PRDM5: variants seen among roughly 807,000 people sequenced by gnomAD.
PRDM5 encodes the protein PR/SET domain 5.
Under a neutral mutation model 81.2 loss-of-function variants are expected in PRDM5, and 56 were observed. That is an observed-to-expected ratio of 0.69 (90% CI 0.56 to 0.86). The LOEUF is 0.86. PRDM5 is among the 40% of genes least tolerant of loss of function. PRDM5 has a pLI of 0.00. For synonymous variants in PRDM5, 267 were observed against 256.4 expected (o/e 1.04, Z -0.39); for missense variants, 697 against 770.1 (o/e 0.91, Z 1.12).
intron 3 of PRDM5, among the ~76,000 whole-genome samples, chr4:120,822,210 C>T (rs1274712292): frequency 2.0e-5 from 3 of 152,172 alleles, no homozygotes; most frequent in African/African-American, 7.2e-5. Flanking sequence ...AGCTGTAAAG[C>T]GGGCTGTCCC....
intron 13 of PRDM5, among the ~76,000 whole-genome samples, chr4:120,764,308 A>G (rs139760653): frequency 5.2e-4 from 79 of 152,292 alleles, no homozygotes; most frequent in African/African-American, 1.8e-3. Context: ...CTCTGTGATG[A>G]TATTATTAAT....
Position 120,862,936 on chromosome 4 carries a change from C to A in PRDM5, c.178-9396G>T, listed in dbSNP as rs1005488055. On this transcript the variant is annotated intron_variant, in intron 2 of 15. Coordinates refer to ENST00000264808, the MANE Select transcript of PRDM5 (RefSeq NM_018699.4). Reference sequence around the variant, plus strand: ...CACTTTGAGAGGCCAAGGAGGGTGACTCGCTTGAGCCCAGGAGTTCGAGAC... The same window carrying A: ...CACTTTGAGAGGCCAAGGAGGGTGAATCGCTTGAGCCCAGGAGTTCGAGAC... Among the ~76,000 whole-genome samples, 3 of 151,758 alleles carry A rather than the reference C, an allele frequency of 2.0e-5. No homozygotes were observed. In the East Asian group the frequency reaches 5.8e-4, roughly 29 times the overall value.
At chr4:120,722,752 A>AT (rs1738817862) in intron 14 of PRDM5, among the ~76,000 whole-genome samples, 1 of 152,148 alleles carries the variant, frequency 6.6e-6, no homozygotes. Flanking sequence ...CCTGGCTGCG[A>AT]TTACTGAGAA....
At position 120,914,617 on chromosome 4, in the gene PRDM5, C is replaced by T. The variant is rs1444967391; in HGVS notation, c.94-7060G>A. 1.3e-5 allele frequency among the ~76,000 whole-genome samples: 2 copies of T among 152,106 alleles called. 1 individual carries two copies. The highest frequency in any genetic ancestry group is 6.3e-3 in the Middle Eastern group (2 of 316). On this transcript the variant is annotated intron_variant, in intron 1 of 15. Coordinates refer to ENST00000264808, the MANE Select transcript of PRDM5 (RefSeq NM_018699.4). ...TGGAAGGCAAAAGAGAAGCACGCAC[C>T]TTCTTCCAAGGGCTGCAGGATGGAG... is the stretch of plus-strand genomic sequence containing the variant.
chr4:120,828,509 T>C (rs1444912874), intron 3 of PRDM5, among the ~76,000 whole-genome samples: 2 of 152,086 alleles, frequency 1.3e-5, no homozygotes, highest in African/African-American at 2.4e-5. Flanking sequence ...AGGAATGAAG[T>C]AGAATTAGTT....
At chr4:120,721,943 T>C (rs527637473) in intron 14 of PRDM5, among the ~76,000 whole-genome samples, 97 of 152,184 alleles carry the variant, frequency 6.4e-4, no homozygotes, top group African/African-American at 2.2e-3. Context: ...GGCACGCGGG[T>C]GCCCAGAGAA....
intron 3 of PRDM5, among the ~76,000 whole-genome samples, chr4:120,847,094 T>C (rs565788744): frequency 6.6e-6 from 1 of 152,158 alleles, no homozygotes; most frequent in Non-Finnish European, 1.5e-5. Context: ...CCTTATTCCA[T>C]CCTTACATAA....
intron 15 of PRDM5, among the ~76,000 whole-genome samples, chr4:120,698,190 A>G (rs1734802266): frequency 6.6e-6 from 1 of 152,162 alleles, no homozygotes; most frequent in Admixed American, 6.5e-5. Context: ...CTCACATCAG[A>G]CTTCTGCCTT....
intron 3 of PRDM5, 23 bp downstream of exon 3, chr4:120,853,395 A>C: frequency 6.2e-7 from 1 of 1,613,616 alleles, no homozygotes; most frequent in Non-Finnish European, 8.5e-7. Context: ...TGCATAGTAC[A>C]AATGAGAAGC....
chr4:120,828,952 C>A (rs1756369792), intron 3 of PRDM5, among the ~76,000 whole-genome samples: 1 of 151,884 alleles, frequency 6.6e-6, no homozygotes, highest in Non-Finnish European at 1.5e-5. Flanking sequence ...TAATCTCATC[C>A]CTTCTAGAGC....
intron 13 of PRDM5, among the ~76,000 whole-genome samples, chr4:120,759,922 T>A (rs573644831): frequency 6.6e-6 from 1 of 152,244 alleles, no homozygotes; most frequent in Non-Finnish European, 1.5e-5. Context: ...GAGTCTACTA[T>A]AAGGTTCTGT....
At chr4:120,803,179 C>A (rs544120665) in intron 8 of PRDM5, among the ~76,000 whole-genome samples, 4 of 152,116 alleles carry the variant, frequency 2.6e-5, no homozygotes, top group African/African-American at 9.7e-5. Context: ...AAGAAACGAA[C>A]GAAGCCTCCA....
chr4:120,768,698 T>C (rs1443730466), intron 13 of PRDM5, among the ~76,000 whole-genome samples: 1 of 152,064 alleles, frequency 6.6e-6, no homozygotes, highest in African/African-American at 2.4e-5. Context: ...ACAAAACAGA[T>C]AGAGCATTTG....
intron 9 of PRDM5, among the ~76,000 whole-genome samples, chr4:120,798,749 A>T (rs113350736): frequency 6.6e-6 from 1 of 152,186 alleles, no homozygotes; most frequent in Non-Finnish European, 1.5e-5. Context: ...GGCCCCAAAT[A>T]CAGAAAGTGA....
intron 11 of PRDM5, among the ~76,000 whole-genome samples, chr4:120,782,935 C>T (rs114676795): frequency 0.018 from 2,755 of 152,102 alleles, 33 homozygotes; most frequent in Middle Eastern, 0.031. Context: ...TCTTACCTTC[C>T]TTCTTTCATA....
At chr4:120,781,334 A>T (rs1352571467) in intron 11 of PRDM5, 31 bp from the exon 12 acceptor site, 5 of 1,599,086 alleles carry the variant, frequency 3.1e-6, no homozygotes. Context: ...TTTAAGAAGC[A>T]ATAGCAGGGT....
intron 3 of PRDM5, among the ~76,000 whole-genome samples, chr4:120,842,042 T>C (rs1314743918): frequency 6.6e-6 from 1 of 152,252 alleles, no homozygotes; most frequent in Non-Finnish European, 1.5e-5. Context: ...AGCTATTTCA[T>C]TATTCTATAT....
intron 13 of PRDM5, among the ~76,000 whole-genome samples, chr4:120,766,085 G>C (rs1388257102): frequency 1.3e-5 from 2 of 151,718 alleles, no homozygotes; most frequent in African/African-American, 4.8e-5. Flanking sequence ...TCAGCCTCAT[G>C]AGTAGCTGGG....
intron 14 of PRDM5, among the ~76,000 whole-genome samples, chr4:120,727,320 T>TGC (rs1739572569): frequency 6.6e-6 from 1 of 151,876 alleles, no homozygotes; most frequent in Non-Finnish European, 1.5e-5. Flanking sequence ...TGTGTGTGTG[T>TGC]GTATGAAATG....
Sources: allele counts gnomAD v4.1 joint callset (sites outside exome capture counted in the v4.1 genomes callset), GRCh38; gene constraint gnomAD v4.1.1; transcripts MANE v1.5; gene names NCBI Gene and HGNC (gene_info 2026-07-23, HGNC 2026-07-21).